The following GLYATL2 variants were observed in gnomAD, a reference collection of about 807,000 sequenced individuals.
GLYATL2 encodes glycine N-acyltransferase-like protein 2.
GLYATL2 carries 25 observed loss-of-function variants against 21.4 expected under a neutral mutation model. The observed-to-expected ratio is 1.17, with a 90% CI of 0.85 to 1.63. The LOEUF (loss-of-function observed/expected upper bound fraction) is 1.63, where lower values mean the gene tolerates loss of function less well. Ranked by LOEUF, GLYATL2 falls within the 40% of genes most tolerant of loss-of-function variation. The probability of loss-of-function intolerance (pLI) is 0.00; values close to 1 mark genes in which losing one functional copy is unlikely to be tolerated. For synonymous variants in GLYATL2, 114 were observed against 118.2 expected (o/e 0.96, Z 0.23); for missense variants, 361 against 343.3 (o/e 1.05, Z -0.41).
chr11:58,885,277 C>T (rs895805039), intron 1 of GLYATL2, among the ~76,000 whole-genome samples: 8 of 152,178 alleles, frequency 5.3e-5, no homozygotes, highest in East Asian at 1.9e-4. Context: ...GGTAACTTCA[C>T]GTCCATCAGT....
chr11:58,896,029 TA>T (rs1854628768), intron 1 of GLYATL2, among the ~76,000 whole-genome samples: 1 of 152,148 alleles, frequency 6.6e-6, no homozygotes, highest in African/African-American at 2.4e-5. Flanking sequence ...ATTTGTTTCA[TA>T]TTTTTTTAGT....
intron 1 of GLYATL2, among the ~76,000 whole-genome samples, chr11:58,896,581 T>C (rs975328571): frequency 1.3e-5 from 2 of 152,166 alleles, no homozygotes; most frequent in Admixed American, 6.5e-5. Context: ...CACTTTAGCC[T>C]GATGAATGCC....
chr11:58,873,237 A>G (rs1590738228), intron 1 of GLYATL2, among the ~76,000 whole-genome samples: 1 of 151,630 alleles, frequency 6.6e-6, no homozygotes, highest in Middle Eastern at 3.4e-3. Flanking sequence ...GCAAACAGGG[A>G]CAATTTGACT....
At chr11:58,909,765 A>G in the GLYATL2 span, among the ~76,000 whole-genome samples, 2 of 152,212 alleles carry the variant, frequency 1.3e-5, no homozygotes, top group South Asian at 2.1e-4. Context: ...TTCTATCAAT[A>G]AGAGCTCTCC....
chr11:58,842,679 A>G (rs1368150629), intron 1 of GLYATL2, among the ~76,000 whole-genome samples: 1 of 152,216 alleles, frequency 6.6e-6, no homozygotes, highest in Non-Finnish European at 1.5e-5. Context: ...ATAATAAAAC[A>G]AAAATTCATG....
At position 58,834,682 on chromosome 11, in the gene GLYATL2, A is replaced by G; in HGVS notation, c.632T>C (p.Leu211Pro). 1 of 1,613,574 alleles carries G rather than the reference A, an allele frequency of 6.2e-7. No individual in the cohort carries two copies. Among genetic ancestry groups the G allele is most frequent in the Non-Finnish European group, 8.5e-7 (1 of 1,180,008 alleles). ...GFGVLGPEGQLVSWIVMEQSC... is the reference protein window; with the variant it reads ...GFGVLGPEGQPVSWIVMEQSC... Reference sequence around the variant, plus strand: ...CTGTTCCATCACAATCCAAGAGACAAGCTGGCCCTCTGGACCCAGCACACC... The same window carrying G: ...CTGTTCCATCACAATCCAAGAGACAGGCTGGCCCTCTGGACCCAGCACACC... The change falls in exon 6 of 6, where the codon CTT (leucine) becomes CCT (proline). Residue 211 changes from leucine (L) to proline (P), a missense_variant. Physicochemically the swap from Leu to Pro is moderately conservative, Grantham distance 98. Coordinates refer to ENST00000287275, the MANE Select transcript of GLYATL2 (RefSeq NM_145016.4).
chr11:58,882,798 A>G (rs994216543), intron 1 of GLYATL2, among the ~76,000 whole-genome samples: 10 of 152,202 alleles, frequency 6.6e-5, no homozygotes, highest in Admixed American at 1.3e-4. Context: ...CTTTCTACAT[A>G]TGGCTAGCCA....
chr11:58,871,646 G>A (rs940209386), intron 1 of GLYATL2, among the ~76,000 whole-genome samples: 8 of 152,078 alleles, frequency 5.3e-5, no homozygotes, highest in Non-Finnish European at 1.2e-4. Context: ...GTATTCCATG[G>A]TGTATATGTG....
chr11:58,908,988 C>T (rs1278010130), upstream of GLYATL2, among the ~76,000 whole-genome samples: 1 of 152,172 alleles, frequency 6.6e-6, no homozygotes, highest in Non-Finnish European at 1.5e-5. Flanking sequence ...AAATAACGAA[C>T]TTCAGAGCAA....
chr11:58,868,922 T>C (rs1380004924), intron 1 of GLYATL2, among the ~76,000 whole-genome samples: 1 of 149,158 alleles, frequency 6.7e-6, no homozygotes, highest in African/African-American at 2.4e-5. Flanking sequence ...CAAGCCCAAC[T>C]GATGAAGAGA....
Position 58,834,754 on chromosome 11 carries a change from C to G in GLYATL2, c.560G>C (p.Arg187Thr). ...GCAGCGTTCAATATATTTCAAGCTC[C>G]TCTCATTTTTCCCAAAGGCCCAGTG... ...NEHWAFGKNE[R>T]SLKYIERCLQ... The change falls in exon 6 of 6, where the codon AGG (arginine) becomes ACG (threonine). Residue 187 changes from arginine to threonine, a missense_variant. Physicochemically the swap from Arg to Thr is moderately conservative, Grantham distance 71. Coordinates refer to ENST00000287275, the MANE Select transcript of GLYATL2 (RefSeq NM_145016.4). 3.7e-6 allele frequency: 6 copies of G among 1,613,878 alleles called. No homozygotes were observed. Among genetic ancestry groups the G allele is most frequent in the African/African-American group, 1.3e-5 (1 of 75,006 alleles).
upstream of GLYATL2, chr11:58,907,220 T>C (rs1854917493): frequency 2.2e-6 from 1 of 455,350 alleles, no homozygotes; most frequent in Non-Finnish European, 4.4e-6. Flanking sequence ...GTTTTCTGTC[T>C]CTCTCTCTCT....
rs906450123 is a variant in GLYATL2 at position 58,867,307 on chromosome 11, A to G, written n.61-28939T>C. ...CAATTGTTCTACTCACAAGATCAGT[A>G]CAGGAATTATAAAGCATTAATTCAG... is the stretch of plus-strand genomic sequence containing the variant. On this transcript the variant is annotated intron_variant and non_coding_transcript_variant, in intron 1 of 4. Transcript: ENST00000533636. Among the ~76,000 whole-genome samples the G allele has an allele frequency of 4.7e-5, 7 of 149,270 alleles. 1 individual carries two copies. Among genetic ancestry groups the G allele is most frequent in the South Asian group, 2.1e-4 (1 of 4,662 alleles).
chr11:58,882,755 TG>T (rs1854363510), intron 1 of GLYATL2, among the ~76,000 whole-genome samples: 1 of 152,250 alleles, frequency 6.6e-6, no homozygotes, highest in Non-Finnish European at 1.5e-5. Flanking sequence ...AATTAATTTT[TG>T]TATAAAGTGT....
chr11:58,855,972 A>AT (rs1382585375), intron 1 of GLYATL2, among the ~76,000 whole-genome samples: 2 of 152,096 alleles, frequency 1.3e-5, no homozygotes, highest in Non-Finnish European at 2.9e-5. Context: ...AAAAATAAAA[A>AT]TAAAAAAAAT....
chr11:58,864,306 A>G (rs986530998), intron 1 of GLYATL2, among the ~76,000 whole-genome samples: 1 of 128,318 alleles, frequency 7.8e-6, no homozygotes, highest in Admixed American at 9.2e-5. Flanking sequence ...TGAAGCCACT[A>G]GGGCTGGCCT....
chr11:58,878,300 C>T, intron 1 of GLYATL2: 1 of 502,432 alleles, frequency 2.0e-6, no homozygotes, highest in Admixed American at 3.2e-5. Flanking sequence ...TCTAGTATCC[C>T]CAGGAGCGCT....
chr11:58,846,564 C>T (rs370427480), upstream of GLYATL2, among the ~76,000 whole-genome samples: 1,609 of 148,876 alleles, frequency 0.011, 58 homozygotes, highest in African/African-American at 0.04. Context: ...GAACTCATTG[C>T]TGTCATGTTA....
upstream of GLYATL2, among the ~76,000 whole-genome samples, chr11:58,847,766 C>T (rs1357681509): frequency 6.6e-6 from 1 of 152,164 alleles, no homozygotes; most frequent in African/African-American, 2.4e-5. Context: ...ATCTCACTGC[C>T]CTGATGGGAA....
Sources: allele counts gnomAD v4.1 joint callset (sites outside exome capture counted in the v4.1 genomes callset), GRCh38; gene constraint gnomAD v4.1.1; transcripts MANE v1.5; gene names NCBI Gene and HGNC (gene_info 2026-07-23, HGNC 2026-07-21).